LRIG3: variants seen among roughly 807,000 people sequenced by gnomAD.
LRIG3 encodes the protein leucine rich repeats and immunoglobulin like domains 3.
In LRIG3, 76 loss-of-function variants were observed where a neutral mutation model predicts 114.5. That is an observed-to-expected ratio of 0.66 (90% CI 0.55 to 0.80). The LOEUF (loss-of-function observed/expected upper bound fraction) is 0.80. LRIG3 is among the 30% of genes least tolerant of loss of function. The pLI is 0.00. For missense variants in LRIG3, 1,239 were observed against 1,382.8 expected (o/e 0.90, Z 1.65); for synonymous variants, 512 against 519.8 (o/e 0.98, Z 0.20).
At chr12:58,897,609 A>T (rs1871689530) in intron 3 of LRIG3, among the ~76,000 whole-genome samples, 1 of 152,188 alleles carries the variant, frequency 6.6e-6, no homozygotes, top group Non-Finnish European at 1.5e-5. Flanking sequence ...AATCAATAAA[A>T]GAAAAATAAG....
At chr12:58,874,701 CA>C (rs1260118180) in intron 16 of LRIG3, 128 bp from the exon 17 acceptor site, 5 of 1,163,776 alleles carry the variant, frequency 4.3e-6, no homozygotes, top group Admixed American at 5.1e-5. Context: ...AAAAAAATTG[CA>C]AAAATTTACA....
chr12:58,893,413 G>A (rs373162255), intron 3 of LRIG3, among the ~76,000 whole-genome samples: 11 of 152,236 alleles, frequency 7.2e-5, no homozygotes, highest in African/African-American at 2.4e-4. Flanking sequence ...AAAAAGAGAC[G>A]ATTCAGCAGT....
chr12:58,883,205 T>C (rs1483726317), intron 11 of LRIG3, among the ~76,000 whole-genome samples, 173 bp from the exon 12 acceptor site: 1 of 152,236 alleles, frequency 6.6e-6, no homozygotes, highest in Non-Finnish European at 1.5e-5. Context: ...TCTAGCATGA[T>C]TTTCTGTTGT....
At chr12:58,885,963 C>T in intron 9 of LRIG3, 61 bp from the exon 10 acceptor site, 1 of 1,072,380 alleles carries the variant, frequency 9.3e-7, no homozygotes, top group Non-Finnish European at 1.4e-6. Context: ...GTGGAACTCT[C>T]ATAAACAGAA....
At chr12:58,874,786 G>A (rs1268545506) in intron 16 of LRIG3, among the ~76,000 whole-genome samples, 1 of 152,160 alleles carries the variant, frequency 6.6e-6, no homozygotes, top group Non-Finnish European at 1.5e-5. Context: ...TTGCTCACTT[G>A]GTTTCTACGG....
In LRIG3 at chr12:58,874,578, G is replaced by A. The variant is rs76093742; in HGVS notation, c.2696-5C>T. 13 of 1,611,642 alleles carry A rather than the reference G, an allele frequency of 8.1e-6. No individual in the cohort carries two copies. The African/African-American group carries it at 1.7e-4, about 22-fold the overall frequency. On this transcript the variant is annotated splice_region_variant and splice_polypyrimidine_tract_variant and intron_variant, in intron 16 of 18. Coordinates refer to ENST00000320743, the MANE Select transcript of LRIG3 (RefSeq NM_153377.5). ...TATTGTCAATATGGCAGGTCCCTTT[G>A]AAACAAAAATCTTAGTCAATGATCC...
intron 14 of LRIG3, among the ~76,000 whole-genome samples, chr12:58,878,433 G>C (rs979539461): frequency 6.6e-6 from 1 of 152,068 alleles, no homozygotes; most frequent in African/African-American, 2.4e-5. Flanking sequence ...GGTATGGTAG[G>C]CTGAGAAAAG....
chr12:58,919,552 G>A (rs1413743193), intron 1 of LRIG3: 2 of 1,549,120 alleles, frequency 1.3e-6, no homozygotes, highest in Non-Finnish European at 1.7e-6. Flanking sequence ...GTTACTGGGT[G>A]GGAACAGGAA....
At chr12:58,909,118 AAACCC>A (rs1407584181) in intron 3 of LRIG3, among the ~76,000 whole-genome samples, 3 of 152,000 alleles carry the variant, frequency 2.0e-5, no homozygotes, top group Non-Finnish European at 4.4e-5. Context: ...TAAAACTGTA[AAACCC>A]CTCTTTGGCC....
At chr12:58,896,990 G>A (rs529975440) in intron 3 of LRIG3, among the ~76,000 whole-genome samples, 2 of 152,066 alleles carry the variant, frequency 1.3e-5, no homozygotes, top group African/African-American at 2.4e-5. Flanking sequence ...CACTCCCTCC[G>A]AAAAGCTTCC....
chr12:58,916,910 A>C (rs891136664), intron 1 of LRIG3, among the ~76,000 whole-genome samples: 3 of 152,172 alleles, frequency 2.0e-5, no homozygotes, highest in Non-Finnish European at 4.4e-5. Context: ...TCCAAGTCAA[A>C]TTTTAAATGC....
intron 3 of LRIG3, among the ~76,000 whole-genome samples, chr12:58,911,643 T>C (rs966926733): frequency 6.6e-6 from 1 of 152,112 alleles, no homozygotes; most frequent in Admixed American, 6.6e-5. Context: ...TTTCAATCTG[T>C]GTCATGTTAT....
intron 1 of LRIG3, among the ~76,000 whole-genome samples, chr12:58,917,447 T>C (rs1306363369): frequency 1.3e-5 from 2 of 152,196 alleles, no homozygotes; most frequent in Non-Finnish European, 2.9e-5. Context: ...TGAGCAAGGC[T>C]TGGCGTAGTT....
intron 16 of LRIG3, among the ~76,000 whole-genome samples, chr12:58,875,967 G>A (rs10877181): frequency 0.058 from 8,770 of 152,288 alleles, 459 homozygotes; most frequent in East Asian, 0.13. Flanking sequence ...CAGGAGAATC[G>A]TTTGAACCCA....
intron 8 of LRIG3, 68 bp from the exon 9 acceptor site, chr12:58,886,958 G>T (rs1312878167): frequency 1.8e-5 from 22 of 1,195,852 alleles, no homozygotes; most frequent in Non-Finnish European, 2.6e-5. Context: ...CACCCAGGTG[G>T]CATATCATTT....
At chr12:58,881,422 A>AGG (rs201221513) in intron 12 of LRIG3, among the ~76,000 whole-genome samples, 4 of 125,250 alleles carry the variant, frequency 3.2e-5, no homozygotes, top group Non-Finnish European at 1.6e-5. Context: ...GGTAGAGGCA[A>AGG]AAAAAAAAAA....
chr12:58,899,358 A>G (rs150422247), intron 3 of LRIG3, among the ~76,000 whole-genome samples: 1 of 152,268 alleles, frequency 6.6e-6, no homozygotes, highest in Non-Finnish European at 1.5e-5. Flanking sequence ...TCTTTGTGAA[A>G]TTCCAATTAG....
intron 8 of LRIG3, 147 bp from the exon 9 acceptor site, chr12:58,887,037 C>G (rs1871299285): frequency 1.7e-6 from 1 of 600,342 alleles, no homozygotes; most frequent in South Asian, 2.2e-5. Flanking sequence ...CTCTTTTTCT[C>G]CAACTTACCT....
At chr12:58,910,060 C>A (rs1385231328) in intron 3 of LRIG3, among the ~76,000 whole-genome samples, 3 of 152,108 alleles carry the variant, frequency 2.0e-5, no homozygotes, top group Non-Finnish European at 2.9e-5. Flanking sequence ...TATATAATAA[C>A]CTCTCTGGAA....
Sources: gnomAD v4.1 joint callset for allele counts (sites outside exome capture counted in the v4.1 genomes callset) on GRCh38, gnomAD v4.1.1 for gene constraint, MANE v1.5 for transcripts, NCBI Gene and HGNC (gene_info 2026-07-23, HGNC 2026-07-21) for gene names.